Variants in RIMBP2 observed in about 807,000 individuals in gnomAD.
The protein encoded by RIMBP2 is RIMS binding protein 2.
In RIMBP2, 48 loss-of-function variants were observed where a neutral mutation model predicts 118.6. The observed-to-expected ratio is 0.40, with a 90% CI of 0.32 to 0.51. The LOEUF is 0.51. RIMBP2 is among the 20% of genes least tolerant of loss of function. The pLI is 0.41. For synonymous variants in RIMBP2, 762 were observed against 742.9 expected, an observed-to-expected ratio of 1.03 and a Z score of -0.42; for missense variants, 1,551 against 1,768.3, an observed-to-expected ratio of 0.88 and a Z score of 2.20.
chr12:130,545,818 G>A (rs931571367), intron 2 of RIMBP2, among the ~76,000 whole-genome samples: 4 of 152,200 alleles, frequency 2.6e-5, no homozygotes, highest in Non-Finnish European at 5.9e-5. Flanking sequence ...GAGAACGTGT[G>A]GGTCCCATTT....
In RIMBP2 at chr12:130,684,174, G is replaced by A. The variant is rs116182013; in HGVS notation, c.-352+32048C>T. Among the ~76,000 whole-genome samples, 1,448 of 152,228 alleles carry A rather than the reference G, an allele frequency of 9.5e-3. 30 individuals carry two copies. The highest frequency in any genetic ancestry group is 0.033 in the African/African-American group (1,378 of 41,528). Reference sequence around the variant, plus strand: ...TTCTATTGATTCCAGGTCTTCAGATGAACTCATTCAACCAACTGCCAATCA... The same window carrying A: ...TTCTATTGATTCCAGGTCTTCAGATAAACTCATTCAACCAACTGCCAATCA... On this transcript the variant is annotated intron_variant, in intron 1 of 22. Coordinates refer to ENST00000690449, the MANE Select transcript of RIMBP2 (RefSeq NM_001393629.1).
At chr12:130,580,790 A>C (rs2058420848) in intron 2 of RIMBP2, among the ~76,000 whole-genome samples, 4 of 152,236 alleles carry the variant, frequency 2.6e-5, no homozygotes, top group Middle Eastern at 3.4e-3. Context: ...AAATACAAAA[A>C]TTAGCTGGGC....
At chr12:130,491,869 C>T (rs905447752) in intron 4 of RIMBP2, among the ~76,000 whole-genome samples, 2 of 152,194 alleles carry the variant, frequency 1.3e-5, no homozygotes, top group African/African-American at 2.4e-5. Flanking sequence ...TTTAAAGCAG[C>T]GATATTTATA....
At chr12:130,407,978 A>G (rs1205019804) in intron 19 of RIMBP2, 149 bp from the exon 20 acceptor site, 5 of 695,336 alleles carry the variant, frequency 7.2e-6, no homozygotes, top group Admixed American at 6.4e-5. Flanking sequence ...CACATCAGCA[A>G]ACGTCTCTAC....
In RIMBP2 at chr12:130,710,133, C is replaced by T. The variant is rs1357638796; in HGVS notation, c.-352+6089G>A. Reference sequence around the variant, plus strand: ...TGGTCCCAGCTGCTCCAAAAACACCCAAGGAGCAATTTCTGCACATACCTA... The same window carrying T: ...TGGTCCCAGCTGCTCCAAAAACACCTAAGGAGCAATTTCTGCACATACCTA... On this transcript the variant is annotated intron_variant, in intron 1 of 22. Transcript: ENST00000690449. The surrounding 1 kb of genome is among the most constrained non-coding windows in gnomAD (Gnocchi z 4.3). Among the ~76,000 whole-genome samples, 2 of 152,200 alleles carry T rather than the reference C, an allele frequency of 1.3e-5. No individual in the cohort carries two copies. The highest frequency in any genetic ancestry group is 2.4e-5 in the African/African-American group (1 of 41,460).
chr12:130,654,685 A>G (rs1259315730), intron 1 of RIMBP2, among the ~76,000 whole-genome samples: 1 of 152,150 alleles, frequency 6.6e-6, no homozygotes, highest in Non-Finnish European at 1.5e-5. Context: ...CCATTTTTGT[A>G]TTGCTATAAA....
At chr12:130,597,613 C>T (rs944381722) in intron 2 of RIMBP2, among the ~76,000 whole-genome samples, 1 of 152,168 alleles carries the variant, frequency 6.6e-6, no homozygotes, top group South Asian at 2.1e-4. Flanking sequence ...AAAAATCAAT[C>T]GATGTCATTC....
At position 130,445,217 on chromosome 12, in the gene RIMBP2, T is replaced by C; in HGVS notation, c.634A>G (p.Thr212Ala). Reference sequence around the variant, plus strand: ...TAGACGTAGAGGTATTTTCCCGCCGTGAGGGGCAGCTCAGCTTCGGGGTTC... The same window carrying C: ...TAGACGTAGAGGTATTTTCCCGCCGCGAGGGGCAGCTCAGCTTCGGGGTTC... Reference protein sequence around the residue: ...NENPEAELPLTAGKYLYVYGD... With the variant: ...NENPEAELPLAAGKYLYVYGD... Residue 212 changes from threonine to alanine, a missense_variant, in exon 10 of 23, where the codon ACG becomes GCG. Coordinates refer to ENST00000690449, the MANE Select transcript of RIMBP2 (RefSeq NM_001393629.1). 6.2e-7 allele frequency: 1 copy of C among 1,613,496 alleles called. No homozygotes were observed. Among genetic ancestry groups the C allele is most frequent in the Non-Finnish European group, 8.5e-7 (1 of 1,179,768 alleles).
rs2077116257 is a variant in RIMBP2, at chr12:130,431,001, C to G, written c.2254-2664G>C. On this transcript the variant is annotated intron_variant, in intron 14 of 22. Coordinates refer to ENST00000690449, the MANE Select transcript of RIMBP2 (RefSeq NM_001393629.1). The surrounding 1 kb of genome is among the most constrained non-coding windows in gnomAD (Gnocchi z 4.0). ...GACGTACACCCGGAACATAGACAAT[C>G]TTTGTCAATGAAATACTTTTAAAAA... is the stretch of plus-strand genomic sequence containing the variant. Among the ~76,000 whole-genome samples the G allele has an allele frequency of 1.3e-5, 2 of 152,100 alleles. No homozygotes were observed. The highest frequency in any genetic ancestry group is 4.8e-5 in the African/African-American group (2 of 41,394).
chr12:130,671,601 C>T (rs1352910145), intron 1 of RIMBP2, among the ~76,000 whole-genome samples: 5 of 152,156 alleles, frequency 3.3e-5, no homozygotes, highest in African/African-American at 1.2e-4. Context: ...AGTCTCAACA[C>T]TGTCGAAACT....
chr12:130,677,315 A>G (rs1175053263), intron 1 of RIMBP2, among the ~76,000 whole-genome samples: 1 of 152,132 alleles, frequency 6.6e-6, no homozygotes, highest in East Asian at 1.9e-4. Context: ...TGGGATGATG[A>G]GTGAGCGTCT....
chr12:130,585,246 C>T (rs1004512866), intron 2 of RIMBP2, among the ~76,000 whole-genome samples: 1 of 152,090 alleles, frequency 6.6e-6, no homozygotes, highest in African/African-American at 2.4e-5. Context: ...CCATGTCCCC[C>T]ACGGAGTGAG....
intron 10 of RIMBP2, among the ~76,000 whole-genome samples, chr12:130,443,618 A>AT (rs1359069089): frequency 6.6e-6 from 1 of 152,202 alleles, no homozygotes; most frequent in Admixed American, 6.5e-5. Context: ...TTAGTCCTGG[A>AT]TGCTAATAAA....
At chr12:130,471,534 C>T (rs1244001695) in intron 5 of RIMBP2, among the ~76,000 whole-genome samples, 5 of 152,202 alleles carry the variant, frequency 3.3e-5, no homozygotes, top group South Asian at 2.1e-4. Context: ...GCAGACCTAA[C>T]GTTTCAAAAG....
At chr12:130,486,444 T>A (rs1270752706) in intron 4 of RIMBP2, among the ~76,000 whole-genome samples, 12 of 152,072 alleles carry the variant, frequency 7.9e-5, no homozygotes, top group Admixed American at 7.9e-4. Flanking sequence ...TAATTCCAAA[T>A]GAACCCTTCA....
At chr12:130,608,498 T>C (rs2060318859) in intron 2 of RIMBP2, among the ~76,000 whole-genome samples, 4 of 152,184 alleles carry the variant, frequency 2.6e-5, no homozygotes, top group Admixed American at 1.3e-4. Context: ...GTCTCTCTAC[T>C]GGGGAGGAGG....
At chr12:130,544,746 T>C (rs896325523) in intron 2 of RIMBP2, among the ~76,000 whole-genome samples, 1 of 151,948 alleles carries the variant, frequency 6.6e-6, no homozygotes, top group African/African-American at 2.4e-5. Context: ...ATTACAGGCA[T>C]GTACCACCAC....
At chr12:130,435,049 T>C (rs527412879) in intron 13 of RIMBP2, among the ~76,000 whole-genome samples, 169 bp from the exon 14 acceptor site, 1 of 147,010 alleles carries the variant, frequency 6.8e-6, no homozygotes, top group African/African-American at 2.5e-5. Flanking sequence ...CCCACCAGAA[T>C]CTTTTTTTTT....
At chr12:130,493,300 G>C (rs930057355) in intron 4 of RIMBP2, among the ~76,000 whole-genome samples, 3 of 151,816 alleles carry the variant, frequency 2.0e-5, no homozygotes, top group African/African-American at 7.2e-5. Flanking sequence ...TTTGTTTTTT[G>C]TTGTTTCTTT....
Sources: allele counts gnomAD v4.1 joint callset (sites outside exome capture counted in the v4.1 genomes callset), GRCh38; gene constraint gnomAD v4.1.1; non-coding constraint Gnocchi (gnomAD v3.1); transcripts MANE v1.5; gene names NCBI Gene and HGNC (gene_info 2026-07-23, HGNC 2026-07-21).